Variants in ATP10D observed in about 807,000 individuals in gnomAD.
The protein encoded by ATP10D is phospholipid-transporting ATPase VD.
A neutral mutation model predicts 144.8 loss-of-function variants in ATP10D; 89 were observed. That is an observed-to-expected ratio of 0.61 (90% confidence interval 0.52 to 0.73). ATP10D has a LOEUF of 0.73. Among genes scored for constraint, ATP10D ranks in the 30% least tolerant of loss-of-function variants. The probability of loss-of-function intolerance (pLI) is 0.00; values close to 1 mark genes in which losing one functional copy is unlikely to be tolerated. For synonymous variants in ATP10D, 571 were observed against 615.1 expected (o/e 0.93, Z 1.06); for missense variants, 1,603 against 1,714.8 (o/e 0.93, Z 1.15).
intron 1 of ATP10D, among the ~76,000 whole-genome samples, chr4:47,494,143 G>A (rs1715228768): frequency 6.6e-6 from 1 of 152,034 alleles, no homozygotes; most frequent in African/African-American, 2.4e-5. Context: ...TTGCTTCTTG[G>A]CAACAGATTC....
At chr4:47,560,803 T>C (rs73237101) in intron 13 of ATP10D, 146 bp from the exon 14 acceptor site, 152,056 of 941,558 alleles carry the variant, frequency 0.16, 14,259 homozygotes, top group Non-Finnish European at 0.19. Context: ...CCAGGTGGTG[T>C]GAGGATATGG....
At position 47,554,837 on chromosome 4, in the gene ATP10D, T is replaced by C; in HGVS notation, c.1747T>C (p.Tyr583His). The change falls in exon 11 of 23, where the codon TAC becomes CAC. Residue 583 changes from tyrosine (Y) to histidine (H), a missense_variant. Tyr to His is a moderately conservative substitution (Grantham distance 83, BLOSUM62 2). Transcript: ENST00000273859. ...TIQNPPMETLYIIDFFIALAI... is the reference protein window; with the variant it reads ...TIQNPPMETLHIIDFFIALAI... ...CCAAAATCCACCAATGGAAACTTTG[T>C]ACATTATCGACTTTTTCATTGCATT... 1 of 1,614,184 alleles carries C rather than the reference T, an allele frequency of 6.2e-7. No homozygotes were observed. The highest frequency in any genetic ancestry group is 2.2e-5 in the East Asian group (1 of 44,870).
chr4:47,577,701 G>A (rs79872622), intron 19 of ATP10D, among the ~76,000 whole-genome samples: 501 of 152,274 alleles, frequency 3.3e-3, no homozygotes, highest in African/African-American at 0.011. Flanking sequence ...GAGTCATTTA[G>A]TGTCCTTACA....
intron 10 of ATP10D, among the ~76,000 whole-genome samples, chr4:47,554,137 G>T (rs1290851582): frequency 2.0e-5 from 3 of 152,216 alleles, no homozygotes. Flanking sequence ...TGAGAAGAAA[G>T]TATAGTTGCC....
At position 47,580,409 on chromosome 4, in the gene ATP10D, C is replaced by A. The variant is rs750082052; in HGVS notation, c.3579C>A (p.Pro1193=). 1 of 1,613,378 alleles carries A rather than the reference C, an allele frequency of 6.2e-7. No homozygotes were observed. The highest frequency in any genetic ancestry group is 8.5e-7 in the Non-Finnish European group (1 of 1,179,430). Residue 1193 remains proline (P), a synonymous_variant, in exon 20 of 23, where the codon CCC becomes CCA. Coordinates refer to ENST00000273859, the MANE Select transcript of ATP10D (RefSeq NM_020453.4). ...TGCTTCATTTCTAGGCATACTTACC[C>A]CATACCTTCTGGATCACCTTATTGG... ...RSGQKSEAYL[P]HTFWITLLDA...
intron 1 of ATP10D, among the ~76,000 whole-genome samples, chr4:47,499,928 G>A (rs1328674689): frequency 2.0e-5 from 3 of 152,140 alleles, no homozygotes; most frequent in Non-Finnish European, 4.4e-5. Context: ...AGGACTACAT[G>A]CTCTAGATCT....
intron 4 of ATP10D, 33 bp downstream of exon 4, chr4:47,523,249 A>C (rs1327984157): frequency 1.9e-6 from 3 of 1,569,548 alleles, no homozygotes; most frequent in Admixed American, 1.7e-5. Context: ...GTGGCTTATT[A>C]ACATTTTTTT....
chr4:47,507,351 A>G (rs2109395519), intron 1 of ATP10D, among the ~76,000 whole-genome samples: 1 of 152,250 alleles, frequency 6.6e-6, no homozygotes, highest in African/African-American at 2.4e-5. Context: ...AGAAATTGAC[A>G]TTGGCCTCTG....
chr4:47,542,174 G>A (rs1266897015), intron 9 of ATP10D, among the ~76,000 whole-genome samples: 1 of 151,856 alleles, frequency 6.6e-6, no homozygotes, highest in Admixed American at 6.6e-5. Flanking sequence ...TCAGCTCACT[G>A]CAGCCTCAAC....
At chr4:47,549,653 A>ATTT (rs1560439094) in intron 10 of ATP10D, among the ~76,000 whole-genome samples, 1 of 152,256 alleles carries the variant, frequency 6.6e-6, no homozygotes, top group Non-Finnish European at 1.5e-5. Flanking sequence ...TAAATGAATA[A>ATTT]TTATAAACCT....
rs1340874799 is a variant in ATP10D, at chr4:47,491,473, A to G, written c.-38+5954A>G. ...TTTGTGTTTGTCATTTTGGCGAATT[A>G]CTGGAAGATGGTGGTTCTGGCCAAA... On this transcript the variant is annotated intron_variant, in intron 1 of 22. Transcript: ENST00000273859. 6 of 687,022 alleles carry G rather than the reference A, an allele frequency of 8.7e-6. No individual in the cohort carries two copies. The Admixed American group carries it at 1.1e-4, about 12-fold the overall frequency. The allele number at this position is 687,022 out of a possible 1,614,324, so 42.6% of individuals were successfully genotyped here. A position where few individuals can be genotyped will look rare whatever the true frequency, so the allele number is the denominator to read the frequency against.
In ATP10D at chr4:47,535,952, A is replaced by G. The variant is rs1319260001; in HGVS notation, c.934A>G (p.Ser312Gly). Residue 312 changes from serine (S) to glycine (G), a missense_variant, in exon 7 of 23, where the codon AGC (serine) becomes GGC (glycine). Physicochemically the swap from Ser to Gly is moderately conservative, Grantham distance 56. Transcript: ENST00000273859. ...CAACAGTGGGCCACGGTATAAGCGC[A>G]GCAAATTAGAAAGAAGAGCAAACAC... The part of the protein sequence containing the change: ...LNNSGPRYKR[S>G]KLERRANTDV... 1 of 1,613,162 alleles carries G rather than the reference A, an allele frequency of 6.2e-7. No individual in the cohort carries two copies. The highest frequency in any genetic ancestry group is 1.3e-5 in the African/African-American group (1 of 75,010).
intron 5 of ATP10D, among the ~76,000 whole-genome samples, chr4:47,534,965 A>G (rs1717762800): frequency 6.6e-6 from 1 of 152,128 alleles, no homozygotes; most frequent in Admixed American, 6.6e-5. Context: ...TGTACACACC[A>G]TGGAATACTA....
intron 10 of ATP10D, chr4:47,547,329 C>A (rs1012509262): frequency 6.1e-6 from 1 of 163,622 alleles, no homozygotes. Context: ...TTTCCCTATT[C>A]CTGGCTCCAG....
In ATP10D at chr4:47,576,863, C is replaced by T. The variant is rs145477523; in HGVS notation, c.3457C>T (p.Leu1153Phe). 59 of 1,614,158 alleles carry T rather than the reference C, an allele frequency of 3.7e-5. No individual in the cohort carries two copies. In the Middle Eastern group the frequency reaches 2.5e-3, roughly 68 times the overall value. ...TDYWVLIFFN[L>F]LFTSAPPVIY... ...TTACTGGGTTTTGATCTTCTTCAACCTCCTCTTCACATCTGCCCCTCCTGT... is the reference window on the plus strand; with the variant it reads ...TTACTGGGTTTTGATCTTCTTCAACTTCCTCTTCACATCTGCCCCTCCTGT... The change falls in exon 19 of 23, where the codon CTC (leucine) becomes TTC (phenylalanine). Residue 1153 changes from leucine to phenylalanine, a missense_variant. By Grantham distance (22) the Leu-to-Phe change is conservative. Transcript: ENST00000273859.
intron 1 of ATP10D, among the ~76,000 whole-genome samples, chr4:47,487,475 T>C (rs1419584024): frequency 1.3e-5 from 2 of 152,126 alleles, no homozygotes; most frequent in Non-Finnish European, 2.9e-5. Flanking sequence ...TGAAGAAGAA[T>C]CAAAGAAAAT....
At chr4:47,550,494 G>A (rs551857336) in intron 10 of ATP10D, among the ~76,000 whole-genome samples, 4 of 152,156 alleles carry the variant, frequency 2.6e-5, no homozygotes, top group African/African-American at 7.2e-5. Flanking sequence ...GGTTGGGGGG[G>A]GCGGTCCTTG....
intron 19 of ATP10D, among the ~76,000 whole-genome samples, chr4:47,577,863 A>T (rs2109470880): frequency 6.6e-6 from 1 of 152,318 alleles, no homozygotes; most frequent in Admixed American, 6.5e-5. Context: ...TCAAGCCAGG[A>T]TGCAAGAACA....
intron 17 of ATP10D, among the ~76,000 whole-genome samples, chr4:47,572,453 G>C (rs1470424159): frequency 6.6e-6 from 1 of 152,050 alleles, no homozygotes; most frequent in Non-Finnish European, 1.5e-5. Flanking sequence ...GTTAAAAATA[G>C]AGCTTATCTA....
Sources: gnomAD v4.1 joint callset for allele counts (sites outside exome capture counted in the v4.1 genomes callset) on GRCh38, gnomAD v4.1.1 for gene constraint, MANE v1.5 for transcripts, NCBI Gene and HGNC (gene_info 2026-07-23, HGNC 2026-07-21) for gene names.